Variants in DOCK3 observed in about 807,000 individuals in gnomAD.
DOCK3 encodes the protein dedicator of cytokinesis protein 3.
In DOCK3, 60 loss-of-function variants were observed where a neutral mutation model predicts 265.6. That is an observed-to-expected ratio of 0.23 (90% CI 0.18 to 0.28). DOCK3 has a LOEUF of 0.28. Ranked by LOEUF, DOCK3 falls within the 10% of genes least tolerant of loss-of-function variation. DOCK3 has a pLI of 1.00. For synonymous variants in DOCK3, 881 were observed against 938.0 expected, an observed-to-expected ratio of 0.94 and a Z score of 1.11; for missense variants, 1,981 against 2,594.3, an observed-to-expected ratio of 0.76 and a Z score of 5.14.
rs182189223 is a variant in DOCK3, at chr3:50,754,317, T to C, written c.38-24358T>C. 1.3e-3 allele frequency among the ~76,000 whole-genome samples: 202 copies of C among 152,072 alleles called. 1 individual carries two copies. Among genetic ancestry groups the C allele is most frequent in the South Asian group, 4.8e-3 (23 of 4,812 alleles). On this transcript the variant is annotated intron_variant, in intron 1 of 52. Coordinates refer to ENST00000266037, the MANE Select transcript of DOCK3 (RefSeq NM_004947.5). ...TAGAAGGTAAAGGGAGTGGAGTGGG[T>C]AGAAAAGCTACCTGCCAGGTACTAT...
At chr3:51,155,772 G>A (rs1370456666) in intron 10 of DOCK3, among the ~76,000 whole-genome samples, 1 of 152,144 alleles carries the variant, frequency 6.6e-6, no homozygotes, top group Non-Finnish European at 1.5e-5. Flanking sequence ...AATACAATGA[G>A]GATTTTGCTG....
chr3:50,870,872 CA>C (rs2047401014), intron 3 of DOCK3, among the ~76,000 whole-genome samples: 1 of 152,026 alleles, frequency 6.6e-6, no homozygotes, highest in Non-Finnish European at 1.5e-5. Context: ...CATAAACATA[CA>C]AGCAAAAAGA....
intron 5 of DOCK3, among the ~76,000 whole-genome samples, chr3:50,954,617 A>G (rs1407948914): frequency 6.6e-6 from 1 of 152,158 alleles, no homozygotes; most frequent in African/African-American, 2.4e-5. Context: ...TGTTAGCTGC[A>G]TGTATATTTT....
At chr3:50,906,673 A>G (rs555857490) in intron 4 of DOCK3, among the ~76,000 whole-genome samples, 1 of 151,826 alleles carries the variant, frequency 6.6e-6, no homozygotes, top group South Asian at 2.1e-4. Flanking sequence ...TATTCTTGCT[A>G]GAAGTCTATC....
At chr3:51,312,603 C>G (rs2083139778) in intron 30 of DOCK3, 27 bp downstream of exon 30, 1 of 1,547,550 alleles carries the variant, frequency 6.5e-7, no homozygotes, top group South Asian at 1.3e-5. Context: ...ATATTCATCT[C>G]CTTACCACTT....
intron 2 of DOCK3, among the ~76,000 whole-genome samples, chr3:50,810,437 G>C (rs1223742467): frequency 6.6e-6 from 1 of 152,020 alleles, no homozygotes; most frequent in Admixed American, 6.5e-5. Context: ...TGTAATCCCG[G>C]CTACTTGGGA....
At chr3:50,678,213 C>T (rs571107194) in intron 1 of DOCK3, among the ~76,000 whole-genome samples, 60 of 152,136 alleles carry the variant, frequency 3.9e-4, no homozygotes, top group African/African-American at 1.1e-3. Flanking sequence ...CCCGTTCGCC[C>T]GTGTTTTGAC....
intron 1 of DOCK3, among the ~76,000 whole-genome samples, chr3:50,692,016 G>A (rs1385327417): frequency 2.0e-5 from 3 of 151,922 alleles, no homozygotes; most frequent in Non-Finnish European, 2.9e-5. Flanking sequence ...CTGAGCTCAG[G>A]GGATTCTCCC....
chr3:51,074,796 A>C (rs180717860), intron 6 of DOCK3, among the ~76,000 whole-genome samples: 6 of 152,242 alleles, frequency 3.9e-5, no homozygotes, highest in Non-Finnish European at 7.4e-5. Context: ...CCTGTGTAAC[A>C]AACCTGCACA....
At chr3:50,927,295 G>A (rs2050806946) in intron 4 of DOCK3, among the ~76,000 whole-genome samples, 1 of 152,206 alleles carries the variant, frequency 6.6e-6, no homozygotes, top group Non-Finnish European at 1.5e-5. Context: ...GGGATGAGGA[G>A]GGATTGGTTA....
intron 12 of DOCK3, among the ~76,000 whole-genome samples, chr3:51,187,107 C>T (rs2087653902): frequency 6.6e-6 from 1 of 152,216 alleles, no homozygotes; most frequent in African/African-American, 2.4e-5. Flanking sequence ...AGATGCTCAA[C>T]ACCAGCCTGT....
intron 2 of DOCK3, among the ~76,000 whole-genome samples, chr3:50,797,989 A>G (rs1456262955): frequency 2.0e-5 from 3 of 152,242 alleles, no homozygotes; most frequent in African/African-American, 7.2e-5. Flanking sequence ...AAAAAACTGT[A>G]ACACATATGT....
chr3:51,164,156 T>G (rs1271188042), intron 12 of DOCK3, among the ~76,000 whole-genome samples: 1 of 152,232 alleles, frequency 6.6e-6, no homozygotes, highest in Non-Finnish European at 1.5e-5. Flanking sequence ...CACGTCAATT[T>G]GGTGATCATA....
intron 12 of DOCK3, among the ~76,000 whole-genome samples, chr3:51,167,273 C>A (rs2086455063): frequency 6.6e-6 from 1 of 152,082 alleles, no homozygotes; most frequent in Admixed American, 6.5e-5. Flanking sequence ...GAGTTTATTT[C>A]TGGGATCTGT....
chr3:50,689,898 A>G (rs1225826664), intron 1 of DOCK3, among the ~76,000 whole-genome samples: 1 of 152,082 alleles, frequency 6.6e-6, no homozygotes, highest in Non-Finnish European at 1.5e-5. Flanking sequence ...TGACTTGGAA[A>G]TATTTCTCCC....
intron 3 of DOCK3, among the ~76,000 whole-genome samples, chr3:50,864,822 T>G (rs1316040981): frequency 6.6e-6 from 1 of 152,146 alleles, no homozygotes; most frequent in Non-Finnish European, 1.5e-5. Flanking sequence ...ATGCCAGTCA[T>G]GCTGTTTTGG....
intron 46 of DOCK3, 62 bp downstream of exon 46, chr3:51,358,139 A>G (rs1446849789): frequency 8.4e-6 from 13 of 1,553,934 alleles, no homozygotes; most frequent in Admixed American, 3.4e-5. Flanking sequence ...CTCCAGACCT[A>G]CGCCACAAAC....
At chr3:50,777,050 A>G (rs2041642161) in intron 1 of DOCK3, among the ~76,000 whole-genome samples, 1 of 152,154 alleles carries the variant, frequency 6.6e-6, no homozygotes, top group South Asian at 2.1e-4. Context: ...AGATCTCATG[A>G]GACTTTTTCA....
intron 1 of DOCK3, among the ~76,000 whole-genome samples, chr3:50,692,300 G>T (rs533501029): frequency 1.1e-4 from 17 of 152,232 alleles, no homozygotes; most frequent in Middle Eastern, 3.4e-3. Flanking sequence ...TGGCACCAGG[G>T]ACTGGTTTCG....
Sources: allele counts gnomAD v4.1 joint callset (sites outside exome capture counted in the v4.1 genomes callset), GRCh38; gene constraint gnomAD v4.1.1; transcripts MANE v1.5; gene names NCBI Gene and HGNC (gene_info 2026-07-23, HGNC 2026-07-21).